The following SEMA5A variants were observed in gnomAD, a reference collection of about 807,000 sequenced individuals.
SEMA5A encodes the protein semaphorin 5A.
A neutral mutation model predicts 135.5 loss-of-function variants in SEMA5A; 55 were observed. That is an observed-to-expected ratio of 0.41 (90% confidence interval 0.33 to 0.51). The LOEUF is 0.51. Ranked by LOEUF, SEMA5A falls within the 20% of genes least tolerant of loss-of-function variation. The pLI is 0.37. For missense variants in SEMA5A, 1,290 were observed against 1,419.9 expected, an observed-to-expected ratio of 0.91 and a Z score of 1.47; for synonymous variants, 580 against 546.5, an observed-to-expected ratio of 1.06 and a Z score of -0.85.
intron 5 of SEMA5A, among the ~76,000 whole-genome samples, chr5:9,247,819 T>C (rs980325264): frequency 7.2e-5 from 11 of 152,154 alleles, no homozygotes; most frequent in African/African-American, 1.7e-4. Context: ...GTAGTCATTG[T>C]TTACTCTCAT....
chr5:9,325,014 A>G (rs1752807474), intron 4 of SEMA5A, among the ~76,000 whole-genome samples: 1 of 152,256 alleles, frequency 6.6e-6, no homozygotes, highest in Non-Finnish European at 1.5e-5. Flanking sequence ...GGTAGTAATA[A>G]GGAATATTGC....
chr5:9,156,448 G>A (rs991293118), intron 11 of SEMA5A, among the ~76,000 whole-genome samples: 2 of 152,198 alleles, frequency 1.3e-5, no homozygotes, highest in African/African-American at 4.8e-5. Context: ...CCAGCAGAGG[G>A]AGGTGTCAGC....
At chr5:9,238,667 AT>A (rs1748039539) in intron 5 of SEMA5A, among the ~76,000 whole-genome samples, 1 of 151,550 alleles carries the variant, frequency 6.6e-6, no homozygotes, top group Non-Finnish European at 1.5e-5. Context: ...GCTCTCGTGA[AT>A]AGTTTTTTGC....
intron 10 of SEMA5A, among the ~76,000 whole-genome samples, chr5:9,190,725 T>A (rs1745063670): frequency 6.6e-6 from 1 of 152,084 alleles, no homozygotes; most frequent in Non-Finnish European, 1.5e-5. Flanking sequence ...TAAAAAAAAA[T>A]TAAAGTGGGA....
At chr5:9,120,428 G>A (rs1280374316) in intron 14 of SEMA5A, among the ~76,000 whole-genome samples, 1 of 151,850 alleles carries the variant, frequency 6.6e-6, no homozygotes, top group Non-Finnish European at 1.5e-5. Context: ...CTACTTTACT[G>A]AAACCTAATG....
chr5:9,224,108 A>T (rs1747158822), intron 8 of SEMA5A, among the ~76,000 whole-genome samples: 2 of 152,196 alleles, frequency 1.3e-5, no homozygotes, highest in African/African-American at 4.8e-5. Context: ...CAGACTGTGG[A>T]TGGCAGAGAC....
chr5:9,466,886 C>G (rs1759280253), intron 1 of SEMA5A, among the ~76,000 whole-genome samples: 1 of 152,158 alleles, frequency 6.6e-6, no homozygotes, highest in Non-Finnish European at 1.5e-5. Context: ...TGGTGTGTCT[C>G]AGATTTATCA....
intron 17 of SEMA5A, among the ~76,000 whole-genome samples, chr5:9,065,657 G>A (rs544419923): frequency 5.8e-4 from 89 of 152,296 alleles, no homozygotes; most frequent in African/African-American, 2.1e-3. Context: ...TTTTCTGTTG[G>A]TATCTTTTCC....
chr5:9,399,928 T>C (rs1756576814), intron 2 of SEMA5A, among the ~76,000 whole-genome samples: 1 of 152,002 alleles, frequency 6.6e-6, no homozygotes, highest in Non-Finnish European at 1.5e-5. Context: ...AAGATACTGG[T>C]ATACATACAA....
chr5:9,452,050 T>C (rs1318562654), intron 1 of SEMA5A, among the ~76,000 whole-genome samples: 1 of 152,198 alleles, frequency 6.6e-6, no homozygotes. Flanking sequence ...AAACAGACTC[T>C]TCCTTTCACC....
intron 10 of SEMA5A, among the ~76,000 whole-genome samples, chr5:9,193,416 T>C (rs1035976257): frequency 6.6e-6 from 1 of 152,296 alleles, no homozygotes; most frequent in South Asian, 2.1e-4. Context: ...CAGTCAGTAA[T>C]TCTACAATTT....
chr5:9,145,588 A>T (rs188298456), intron 12 of SEMA5A, among the ~76,000 whole-genome samples: 20 of 152,152 alleles, frequency 1.3e-4, no homozygotes, highest in African/African-American at 4.6e-4. Context: ...CATAACTTTA[A>T]ATTTGAGAGC....
chr5:9,182,736 C>A (rs1744590494), intron 11 of SEMA5A, among the ~76,000 whole-genome samples: 1 of 151,366 alleles, frequency 6.6e-6, no homozygotes, highest in South Asian at 2.1e-4. Context: ...TATTTTTATA[C>A]AATGGCGGAT....
At chr5:9,186,892 T>G (rs1417991743) in intron 11 of SEMA5A, among the ~76,000 whole-genome samples, 1 of 152,210 alleles carries the variant, frequency 6.6e-6, no homozygotes, top group Non-Finnish European at 1.5e-5. Flanking sequence ...GCCATACTGA[T>G]CTATTGAACA....
chr5:9,052,703 G>C (rs1736655798), intron 19 of SEMA5A, among the ~76,000 whole-genome samples: 1 of 152,146 alleles, frequency 6.6e-6, no homozygotes, highest in Admixed American at 6.5e-5. Context: ...GGCATTGAAA[G>C]GATACTTCAT....
At position 9,429,111 on chromosome 5, in the gene SEMA5A, G is replaced by A. The variant is rs151038787; in HGVS notation, c.-78+8645C>T. ...TCCGGCCATGGAGAAGGAAGAGAAA[G>A]GTTCATGGAAAATGAGACAGATTAG... On this transcript the variant is annotated intron_variant, in intron 2 of 22. Transcript: ENST00000382496. Among the ~76,000 whole-genome samples, 571 of 152,266 alleles carry A rather than the reference G, an allele frequency of 3.8e-3. 4 individuals carry two copies. Among genetic ancestry groups the A allele is most frequent in the African/African-American group, 0.013 (546 of 41,550 alleles).
At chr5:9,187,266 A>C (rs1327765142) in intron 11 of SEMA5A, among the ~76,000 whole-genome samples, 1 of 152,214 alleles carries the variant, frequency 6.6e-6, no homozygotes, top group Non-Finnish European at 1.5e-5. Flanking sequence ...TGAAAAAAAG[A>C]CTATATCTCC....
At chr5:9,071,687 C>A (rs1737776569) in intron 16 of SEMA5A, among the ~76,000 whole-genome samples, 1 of 152,184 alleles carries the variant, frequency 6.6e-6, no homozygotes, top group East Asian at 1.9e-4. Flanking sequence ...ACAACCCAAG[C>A]AGAATTTTGA....
At chr5:9,088,339 A>AT (rs1201301265) in intron 16 of SEMA5A, among the ~76,000 whole-genome samples, 1 of 146,440 alleles carries the variant, frequency 6.8e-6, no homozygotes, top group Admixed American at 6.7e-5. Flanking sequence ...GAAAGAAAGT[A>AT]TTTTTTTAAT....
Sources: allele counts gnomAD v4.1 joint callset (sites outside exome capture counted in the v4.1 genomes callset), GRCh38; gene constraint gnomAD v4.1.1; transcripts MANE v1.5; gene names NCBI Gene and HGNC (gene_info 2026-07-23, HGNC 2026-07-21).